Variants in CDIP1 observed in about 807,000 individuals in gnomAD.
CDIP1 encodes the protein cell death inducing p53 target 1.
Under a neutral mutation model 17.7 loss-of-function variants are expected in CDIP1, and 9 were observed. That is an observed-to-expected ratio of 0.51 (90% CI 0.31 to 0.89). CDIP1 has a LOEUF of 0.89. Ranked by LOEUF, CDIP1 falls within the 40% of genes least tolerant of loss-of-function variation. The probability of loss-of-function intolerance (pLI) is 0.05; values close to 1 mark genes in which losing one functional copy is unlikely to be tolerated. For synonymous variants in CDIP1, 117 were observed against 109.5 expected, an observed-to-expected ratio of 1.07 and a Z score of -0.43; for missense variants, 263 against 277.9, an observed-to-expected ratio of 0.95 and a Z score of 0.38.
In CDIP1 at chr16:4,510,997, G is replaced by T. The variant is rs532919445; in HGVS notation, c.*1575C>A. The T allele has an allele frequency of 1.2e-3, 178 of 152,372 alleles. No individual in the cohort carries two copies. The highest frequency in any genetic ancestry group is 3.4e-3 in the Middle Eastern group (1 of 294). 9.4% of individuals were successfully genotyped at this position (152,372 alleles called of 1,614,324 possible). A position where few individuals can be genotyped will look rare whatever the true frequency, so the allele number is the denominator to read the frequency against. ...CAAGCCTGCGGGTAGGAGGGCTCCA[G>T]CTTGCAGATCCCATGCGTGGATGCC... is the stretch of plus-strand genomic sequence containing the variant. On this transcript the variant is annotated 3_prime_UTR_variant, in exon 6 of 6. Coordinates refer to ENST00000567695, the MANE Select transcript of CDIP1 (RefSeq NM_013399.3).
At chr16:4,516,698 C>CTTTTTTTTTTTTTTT (rs767463500) in intron 1 of CDIP1, among the ~76,000 whole-genome samples, 2 of 78,056 alleles carry the variant, frequency 2.6e-5, no homozygotes, top group African/African-American at 1.0e-4. Context: ...GTTTTAAATC[C>CTTTTTTTTTTTTTTT]TTTTTTTTTT....
chr16:4,530,927 C>A (rs141835295), intron 1 of CDIP1, among the ~76,000 whole-genome samples: 1 of 152,218 alleles, frequency 6.6e-6, no homozygotes, highest in African/African-American at 2.4e-5. Flanking sequence ...AACTCTAAGT[C>A]AACATCTGGC....
intron 1 of CDIP1, among the ~76,000 whole-genome samples, chr16:4,518,768 C>G (rs4786509): frequency 0.54 from 82,787 of 152,192 alleles, 25,887 homozygotes; most frequent in Non-Finnish European, 0.7. Context: ...CAAGAATAAT[C>G]TTTCAATCAC....
chr16:4,533,719 A>AC (rs1167168537), intron 1 of CDIP1: 2 of 60,314 alleles, frequency 3.3e-5, no homozygotes, highest in Non-Finnish European at 6.8e-5. Context: ...TCCCAAGCCC[A>AC]CCCCCGTACT....
intron 1 of CDIP1, among the ~76,000 whole-genome samples, chr16:4,517,931 A>G (rs2058905006): frequency 6.6e-6 from 1 of 152,174 alleles, no homozygotes; most frequent in Non-Finnish European, 1.5e-5. Context: ...AATAAGTGCC[A>G]GCCCCTGCTA....
intron 1 of CDIP1, chr16:4,532,166 A>C (rs1469228570): frequency 6.6e-6 from 1 of 152,258 alleles, no homozygotes; most frequent in Admixed American, 6.5e-5. Flanking sequence ...GGAGCACATG[A>C]AGACCACGGT....
At chr16:4,534,906 C>A (rs148672884) in intron 1 of CDIP1, among the ~76,000 whole-genome samples, 5 of 151,794 alleles carry the variant, frequency 3.3e-5, no homozygotes, top group African/African-American at 1.2e-4. Context: ...TTAGTAGAGA[C>A]GGGGTTTCTC....
At chr16:4,515,853 T>C (rs1225722699) in intron 1 of CDIP1, among the ~76,000 whole-genome samples, 1 of 152,204 alleles carries the variant, frequency 6.6e-6, no homozygotes, top group African/African-American at 2.4e-5. Context: ...TGTTCCCCTT[T>C]TGAGGAACAG....
intron 1 of CDIP1, among the ~76,000 whole-genome samples, chr16:4,525,395 G>C (rs1016813580): frequency 6.6e-6 from 1 of 152,180 alleles, no homozygotes; most frequent in Non-Finnish European, 1.5e-5. Context: ...GAGGAGCTGA[G>C]GAGGACGATG....
chr16:4,524,037 G>A (rs546240327), intron 1 of CDIP1: 2 of 152,332 alleles, frequency 1.3e-5, no homozygotes, highest in South Asian at 2.1e-4. Flanking sequence ...CAAAGACAGC[G>A]GTCTTCTTTG....
chr16:4,515,541 G>A (rs1290428703), intron 1 of CDIP1, among the ~76,000 whole-genome samples: 1 of 152,194 alleles, frequency 6.6e-6, no homozygotes, highest in African/African-American at 2.4e-5. Flanking sequence ...TCATAGATCT[G>A]ATAAAGGACT....
chr16:4,511,529 T>C lies in CDIP1; in HGVS notation c.*1043A>G, dbSNP rs1176973353. On this transcript the variant is annotated 3_prime_UTR_variant, in exon 6 of 6. Transcript: ENST00000567695. ...TCCACCAAGGCAGTTCTACCACTTG[T>C]GGCTGCTCCTTCCTCGTCCCTAGCC... 6.6e-6 allele frequency: 1 copy of C among 152,366 alleles called. No individual in the cohort carries two copies. Among genetic ancestry groups the C allele is most frequent in the African/African-American group, 2.4e-5 (1 of 41,434 alleles). The allele number at this position is 152,366 out of a possible 1,614,324, so 9.4% of individuals were successfully genotyped here. A position where few individuals can be genotyped will look rare whatever the true frequency, so the allele number is the denominator to read the frequency against.
chr16:4,529,991 T>C (rs1180478572), intron 1 of CDIP1, among the ~76,000 whole-genome samples: 1 of 152,248 alleles, frequency 6.6e-6, no homozygotes, highest in Non-Finnish European at 1.5e-5. Context: ...AGCAAACCTC[T>C]AGGCTTTCTT....
chr16:4,529,485 C>G (rs149061612), intron 1 of CDIP1, among the ~76,000 whole-genome samples: 193 of 152,270 alleles, frequency 1.3e-3, no homozygotes, highest in African/African-American at 4.5e-3. Context: ...CTCCTGCTAG[C>G]AGAGAAAATG....
At chr16:4,535,754 G>A (rs1352863355) in intron 1 of CDIP1, among the ~76,000 whole-genome samples, 1 of 152,260 alleles carries the variant, frequency 6.6e-6, no homozygotes, top group East Asian at 1.9e-4. Context: ...CACCAGACCA[G>A]TGTCTCCAAG....
chr16:4,517,592 T>A (rs1218246418), intron 1 of CDIP1, among the ~76,000 whole-genome samples: 1 of 152,020 alleles, frequency 6.6e-6, no homozygotes, highest in Non-Finnish European at 1.5e-5. Flanking sequence ...GAAAAATTTT[T>A]AAATTAGGCA....
In CDIP1 at chr16:4,514,794, C is replaced by A. The variant is rs2058872446; in HGVS notation, c.-104-130G>T. On this transcript the variant is annotated intron_variant, in intron 1 of 5. Transcript: ENST00000567695. The surrounding 1 kb of genome is among the most constrained non-coding windows in gnomAD (Gnocchi z 5.2). Reference sequence around the variant, plus strand: ...ACATCCGGCTTCTCCCTAGCTGTCACTCTGCCATCCACACACCCGACCACC... The same window carrying A: ...ACATCCGGCTTCTCCCTAGCTGTCAATCTGCCATCCACACACCCGACCACC... The A allele has an allele frequency of 6.5e-6, 1 of 152,798 alleles. No homozygotes were observed. Among genetic ancestry groups the A allele is most frequent in the South Asian group, 2.1e-4 (1 of 4,844 alleles). 9.5% of individuals were successfully genotyped at this position (152,798 alleles called of 1,614,324 possible).
intron 1 of CDIP1, among the ~76,000 whole-genome samples, chr16:4,535,914 T>C (rs1298133401): frequency 6.6e-6 from 1 of 151,546 alleles, no homozygotes; most frequent in East Asian, 1.9e-4. Flanking sequence ...AAACAGAAAC[T>C]TTTTGTGGGA....
At chr16:4,537,393 G>A (rs2059119239) in intron 1 of CDIP1, among the ~76,000 whole-genome samples, 2 of 152,184 alleles carry the variant, frequency 1.3e-5, no homozygotes, top group South Asian at 4.1e-4. Context: ...TTCCGATTAA[G>A]GGCAGAGGGC....
Sources: allele counts gnomAD v4.1 joint callset (sites outside exome capture counted in the v4.1 genomes callset), GRCh38; gene constraint gnomAD v4.1.1; non-coding constraint Gnocchi (gnomAD v3.1); transcripts MANE v1.5; gene names NCBI Gene and HGNC (gene_info 2026-07-23, HGNC 2026-07-21).